CNTN4: variants seen among roughly 807,000 people sequenced by gnomAD.
CNTN4 encodes the protein contactin-4.
Under a neutral mutation model 122.5 loss-of-function variants are expected in CNTN4, and 77 were observed. The observed-to-expected ratio is 0.63, with a 90% CI of 0.52 to 0.76. The LOEUF (loss-of-function observed/expected upper bound fraction) is 0.76. Among genes scored for constraint, CNTN4 ranks in the 30% least tolerant of loss-of-function variants. The pLI is 0.00. For synonymous variants in CNTN4, 512 were observed against 447.0 expected, an observed-to-expected ratio of 1.15 and a Z score of -1.83; for missense variants, 1,256 against 1,259.1, an observed-to-expected ratio of 1.00 and a Z score of 0.04.
At chr3:2,371,651 G>C (rs2045637248) in intron 3 of CNTN4, among the ~76,000 whole-genome samples, 1 of 152,134 alleles carries the variant, frequency 6.6e-6, no homozygotes, top group Non-Finnish European at 1.5e-5. Context: ...TCCTCCGCTA[G>C]ATTCGTGTTC....
chr3:2,135,707 AAAT>A (rs1361813162), intron 2 of CNTN4, among the ~76,000 whole-genome samples: 2 of 152,082 alleles, frequency 1.3e-5, no homozygotes, highest in African/African-American at 4.8e-5. Context: ...TTATGATGTA[AAAT>A]ACACTCTCTC....
chr3:2,121,948 G>A (rs925205484), intron 2 of CNTN4, among the ~76,000 whole-genome samples: 9 of 151,956 alleles, frequency 5.9e-5, no homozygotes, highest in Non-Finnish European at 1.2e-4. Flanking sequence ...GGCGGATCAC[G>A]AGGTCAGGAG....
Position 3,056,112 on chromosome 3 carries a change from C to G in CNTN4, c.2981-8C>G. 10 of 1,612,294 alleles carry G rather than the reference C, an allele frequency of 6.2e-6. No homozygotes were observed. Among genetic ancestry groups the G allele is most frequent in the Admixed American group, 1.7e-5 (1 of 60,014 alleles). ...GCTGTTTTGAGTGAATTTGTTCTCT[C>G]TTTTCAGATGCCTACGCGAGAGGAT... On this transcript the variant is annotated splice_region_variant and splice_polypyrimidine_tract_variant and intron_variant, in intron 24 of 24. Transcript: ENST00000418658.
At chr3:2,291,785 G>A (rs1363891831) in intron 2 of CNTN4, among the ~76,000 whole-genome samples, 1 of 151,760 alleles carries the variant, frequency 6.6e-6, no homozygotes, top group Non-Finnish European at 1.5e-5. Flanking sequence ...GCAGGCTAGA[G>A]GGCGATGGCA....
At chr3:2,704,918 T>C (rs1319949464) in intron 4 of CNTN4, among the ~76,000 whole-genome samples, 1 of 152,118 alleles carries the variant, frequency 6.6e-6, no homozygotes, top group Non-Finnish European at 1.5e-5. Flanking sequence ...GTCTAAACAC[T>C]GCGTGAGTGA....
intron 4 of CNTN4, among the ~76,000 whole-genome samples, chr3:2,654,245 T>A (rs1413079353): frequency 6.6e-6 from 1 of 152,242 alleles, no homozygotes; most frequent in Non-Finnish European, 1.5e-5. Flanking sequence ...TGGCCAGTTG[T>A]TTCTTTCCAT....
rs145634055 is a variant in CNTN4 at position 2,237,713 on chromosome 3, G to A, written c.-144-101465G>A. Among the ~76,000 whole-genome samples the A allele has an allele frequency of 6.3e-3, 965 of 152,290 alleles. 17 individuals are homozygous for A. Among genetic ancestry groups the A allele is most frequent in the African/African-American group, 0.022 (916 of 41,558 alleles). On this transcript the variant is annotated intron_variant, in intron 2 of 24. Transcript: ENST00000418658. ...GGCAGGGATTTTAAAGAAATGGTAA[G>A]TGATAAGAAGGGAGTTGTTTTCATT...
At chr3:2,288,904 G>A (rs1312660579) in intron 2 of CNTN4, among the ~76,000 whole-genome samples, 1 of 152,120 alleles carries the variant, frequency 6.6e-6, no homozygotes, top group Non-Finnish European at 1.5e-5. Context: ...TGAAAAGCAA[G>A]AAATTCCAAG....
chr3:2,116,807 G>A (rs753922224), intron 2 of CNTN4, among the ~76,000 whole-genome samples: 21 of 152,232 alleles, frequency 1.4e-4, no homozygotes, highest in Middle Eastern at 6.8e-3. Context: ...AACATCTAAT[G>A]TTGCAGATTT....
chr3:2,548,686 G>C (rs1229646467), intron 3 of CNTN4, among the ~76,000 whole-genome samples: 1 of 151,886 alleles, frequency 6.6e-6, no homozygotes, highest in East Asian at 1.9e-4. Context: ...TATGAAATTT[G>C]AAGTAGTTTT....
At chr3:2,806,233 T>A (rs2092465523) in intron 6 of CNTN4, among the ~76,000 whole-genome samples, 1 of 152,198 alleles carries the variant, frequency 6.6e-6, no homozygotes, top group Admixed American at 6.6e-5. Flanking sequence ...CTACAGCATT[T>A]ACTCTAAACA....
rs75672601 is a variant in CNTN4 at position 2,385,536 on chromosome 3, G to A, written c.-89+46303G>A. 2.3e-3 allele frequency among the ~76,000 whole-genome samples: 354 copies of A among 152,112 alleles called. 3 individuals carry two copies. Among genetic ancestry groups the A allele is most frequent in the African/African-American group, 8.1e-3 (335 of 41,542 alleles). On this transcript the variant is annotated intron_variant, in intron 3 of 24. Transcript: ENST00000418658. The surrounding 1 kb of genome is among the most constrained non-coding windows in gnomAD (Gnocchi z 4.0). ...AGTTTATTCTCTCACACTTCTAGAGGCCAGAAGTCCAAAATCAGGTGTTGG... is the reference window on the plus strand; with the variant it reads ...AGTTTATTCTCTCACACTTCTAGAGACCAGAAGTCCAAAATCAGGTGTTGG...
intron 6 of CNTN4, among the ~76,000 whole-genome samples, chr3:2,763,407 GA>G (rs2090689293): frequency 6.6e-6 from 1 of 151,996 alleles, no homozygotes; most frequent in African/African-American, 2.4e-5. Flanking sequence ...CATAGTTTGC[GA>G]AGACTTTCTC....
chr3:2,981,952 C>T (rs1211288399), intron 13 of CNTN4, among the ~76,000 whole-genome samples: 1 of 151,714 alleles, frequency 6.6e-6, no homozygotes, highest in Non-Finnish European at 1.5e-5. Context: ...GCGAGAGAAT[C>T]GCATGTACCC....
intron 4 of CNTN4, among the ~76,000 whole-genome samples, chr3:2,710,299 T>A (rs1229453398): frequency 6.6e-6 from 1 of 152,188 alleles, no homozygotes; most frequent in Non-Finnish European, 1.5e-5. Flanking sequence ...GTTGCCTATC[T>A]TGGCCAAATG....
At chr3:2,846,428 T>C (rs2150579739) in intron 7 of CNTN4, among the ~76,000 whole-genome samples, 1 of 152,332 alleles carries the variant, frequency 6.6e-6, no homozygotes, top group South Asian at 2.1e-4. Context: ...GTAAGTTTCC[T>C]GAGGCATCCC....
chr3:2,624,886 G>T (rs2082125386), intron 4 of CNTN4, among the ~76,000 whole-genome samples: 1 of 151,832 alleles, frequency 6.6e-6, no homozygotes, highest in South Asian at 2.1e-4. Context: ...ACCCACCTCG[G>T]CCTCCTAGAG....
chr3:2,351,650 T>C (rs1430825775), intron 3 of CNTN4, among the ~76,000 whole-genome samples: 1 of 152,200 alleles, frequency 6.6e-6, no homozygotes, highest in Non-Finnish European at 1.5e-5. Context: ...TTAAAACTTA[T>C]GAATTCTTTA....
At chr3:2,263,993 A>G (rs748906583) in intron 2 of CNTN4, among the ~76,000 whole-genome samples, 9 of 152,134 alleles carry the variant, frequency 5.9e-5, no homozygotes, top group Non-Finnish European at 1.2e-4. Context: ...GCTATACCAC[A>G]TTTTATCTAT....
Sources: gnomAD v4.1 joint callset for allele counts (sites outside exome capture counted in the v4.1 genomes callset) on GRCh38, gnomAD v4.1.1 for gene constraint, Gnocchi (gnomAD v3.1) non-coding constraint, MANE v1.5 for transcripts, NCBI Gene and HGNC (gene_info 2026-07-23, HGNC 2026-07-21) for gene names.